The following KAT7 variants were observed in gnomAD, a reference collection of about 807,000 sequenced individuals.
KAT7 encodes histone acetyltransferase KAT7.
In KAT7, 10 loss-of-function variants were observed where a neutral mutation model predicts 82.1. The ratio of observed to expected loss-of-function variants is 0.12; its 90% confidence interval spans 0.08 to 0.21. KAT7 has a LOEUF of 0.21. Among genes scored for constraint, KAT7 ranks in the 10% least tolerant of loss-of-function variants. The pLI, the probability that KAT7 is intolerant of heterozygous loss-of-function variation, is 1.00. For missense variants in KAT7, 378 were observed against 760.9 expected (o/e 0.50, Z 5.92); for synonymous variants, 250 against 262.5 (o/e 0.95, Z 0.46).
rs776024422 is a variant in KAT7, at chr17:49,820,747, CTTTTTT to C, written c.1156-573_1156-568del. 8.3e-3 allele frequency among the ~76,000 whole-genome samples: 827 copies of C among 99,066 alleles called. 10 individuals carry two copies. The highest frequency in any genetic ancestry group is 0.031 in the African/African-American group (788 of 25,556). The allele number at this position is 99,066 out of a possible 152,430, so 65.0% of individuals were successfully genotyped here. The stretch of plus-strand genomic sequence containing the variant: ...CCTGCTGCTCAGCTAGGCTGCTTGC[CTTTTTT>C]TTTTTTTTTTTTTTTTCTTTTTTTG... On this transcript the variant is annotated intron_variant, in intron 9 of 14. Transcript: ENST00000259021.
chr17:49,819,702 C>T (rs931565217), intron 9 of KAT7, among the ~76,000 whole-genome samples: 6 of 152,214 alleles, frequency 3.9e-5, no homozygotes, highest in South Asian at 2.1e-4. Flanking sequence ...TTCTTATTCC[C>T]GTTGCTTCAG....
chr17:49,808,334 G>C (rs1259536362), intron 5 of KAT7, among the ~76,000 whole-genome samples: 1 of 151,634 alleles, frequency 6.6e-6, no homozygotes, highest in East Asian at 1.9e-4. Context: ...TGCCCAGGCT[G>C]GTCTTGAACT....
chr17:49,815,311 G>C (rs1003158604), intron 7 of KAT7: 1 of 152,478 alleles, frequency 6.6e-6, no homozygotes, highest in Non-Finnish European at 1.5e-5. Flanking sequence ...AGCTGCCCCT[G>C]CCCCTCCCTT....
rs999446560 is a variant in KAT7 at position 49,801,743 on chromosome 17, G to A, written c.580+3185G>A. On this transcript the variant is annotated intron_variant, in intron 4 of 14. Coordinates refer to ENST00000259021, the MANE Select transcript of KAT7 (RefSeq NM_007067.5). ...GGGCTCAAGTGACCCTCCCACCTCA[G>A]CCTCCCAAAGTGTTGGGATTACAGG... Among the ~76,000 whole-genome samples the A allele has an allele frequency of 3.3e-5, 5 of 152,160 alleles. No homozygotes were observed. In the East Asian group the frequency reaches 9.6e-4, roughly 29 times the overall value.
intron 4 of KAT7, among the ~76,000 whole-genome samples, chr17:49,799,495 T>C (rs1233333337): frequency 2.0e-5 from 3 of 152,026 alleles, no homozygotes; most frequent in African/African-American, 7.2e-5. Context: ...ATTCTCCTGC[T>C]TCAACCTCCT....
intron 3 of KAT7, among the ~76,000 whole-genome samples, chr17:49,797,658 AAC>A (rs1445868682): frequency 6.6e-6 from 1 of 152,200 alleles, no homozygotes. Flanking sequence ...AGTATTTGAA[AAC>A]ACAATGATTT....
intron 9 of KAT7, among the ~76,000 whole-genome samples, chr17:49,818,681 A>G (rs1468022079): frequency 6.6e-6 from 1 of 151,246 alleles, no homozygotes; most frequent in Non-Finnish European, 1.5e-5. Context: ...GCCATGGAGC[A>G]AGGGTGCGGA....
Position 49,825,888 on chromosome 17 carries a change from C to T in KAT7, c.1481-112C>T, listed in dbSNP as rs1598091827. 4.6e-6 allele frequency: 5 copies of T among 1,075,866 alleles called. No individual in the cohort carries two copies. The East Asian group carries it at 9.7e-5, about 21-fold the overall frequency. The allele number at this position is 1,075,866 out of a possible 1,614,324, so 66.6% of individuals were successfully genotyped here. On this transcript the variant is annotated intron_variant, in intron 12 of 14. Transcript: ENST00000259021. ...CAGTATTCCATTGAATGACTAAATC[C>T]TAATGGAGTGGACTGTGCTTCTTAA...
chr17:49,791,906 A>G lies in KAT7; in HGVS notation c.36A>G (p.Ser12=), dbSNP rs770252380. Reference sequence around the variant, plus strand: ...TACAGAGGAATGCAGGCAGTAGTTCAGATGGAACCGAAGATTCCGATTTTT... The same window carrying G: ...TACAGAGGAATGCAGGCAGTAGTTCGGATGGAACCGAAGATTCCGATTTTT... ...PRRKRNAGSS[S]DGTEDSDFST... The change falls in exon 2 of 15, where the codon TCA becomes TCG. Residue 12 remains serine (S), a synonymous_variant. Coordinates refer to ENST00000259021, the MANE Select transcript of KAT7 (RefSeq NM_007067.5). 3 of 1,614,086 alleles carry G rather than the reference A, an allele frequency of 1.9e-6. No individual in the cohort carries two copies. Among genetic ancestry groups the G allele is most frequent in the East Asian group, 4.5e-5 (2 of 44,904 alleles).
intron 6 of KAT7, among the ~76,000 whole-genome samples, chr17:49,810,796 G>A (rs1236078510): frequency 2.0e-5 from 3 of 152,108 alleles, no homozygotes; most frequent in Non-Finnish European, 2.9e-5. Flanking sequence ...AGTAAAGGTG[G>A]TGGGTGATGA....
At chr17:49,802,717 C>CTTGCAGTA (rs1447281044) in intron 4 of KAT7, among the ~76,000 whole-genome samples, 1 of 151,560 alleles carries the variant, frequency 6.6e-6, no homozygotes, top group Non-Finnish European at 1.5e-5. Flanking sequence ...AAAAGCAAGT[C>CTTGCAGTA]TTGCAGTATT....
At chr17:49,804,837 A>C (rs918188241) in intron 4 of KAT7, among the ~76,000 whole-genome samples, 1 of 152,204 alleles carries the variant, frequency 6.6e-6, no homozygotes, top group Non-Finnish European at 1.5e-5. Context: ...CCCTCCAAAA[A>C]ATAAGTATTT....
In KAT7 at chr17:49,832,566, C is replaced by G. The variant is rs1360515943; in HGVS notation, c.*5064C>G. 6.6e-6 allele frequency: 1 copy of G among 152,084 alleles called. No homozygotes were observed. The highest frequency in any genetic ancestry group is 2.4e-5 in the African/African-American group (1 of 41,390). The allele number at this position is 152,084 out of a possible 1,614,324, so 9.4% of individuals were successfully genotyped here. A position where few individuals can be genotyped will look rare whatever the true frequency, so the allele number is the denominator to read the frequency against. On this transcript the variant is annotated 3_prime_UTR_variant, in exon 15 of 15. Transcript: ENST00000259021. ...ATTCTTGGACATGGAGTTAAGAAAC[C>G]CTGGTTTGAGAAAAAGCCCCAGTGA...
rs368823245 is a variant in KAT7 at position 49,826,165 on chromosome 17, G to C, written c.1627+19G>C. On this transcript the variant is annotated intron_variant, in intron 13 of 14. Coordinates refer to ENST00000259021, the MANE Select transcript of KAT7 (RefSeq NM_007067.5). ...ATCAAAGGTTGGTTTTTGACTCCTTGGAATGGTTGATTGTTACCCAAGAAG... is the reference window on the plus strand; with the variant it reads ...ATCAAAGGTTGGTTTTTGACTCCTTCGAATGGTTGATTGTTACCCAAGAAG... 1.1e-5 allele frequency: 18 copies of C among 1,610,124 alleles called. No individual in the cohort carries two copies. Among genetic ancestry groups the C allele is most frequent in the Non-Finnish European group, 1.4e-5 (17 of 1,176,810 alleles).
chr17:49,807,623 A>G (rs1049351928), intron 5 of KAT7, among the ~76,000 whole-genome samples: 2 of 152,194 alleles, frequency 1.3e-5, no homozygotes, highest in African/African-American at 4.8e-5. Flanking sequence ...TGAAAACTGA[A>G]GACTTGTTAA....
In KAT7 at chr17:49,834,171, A is replaced by C. The variant is rs1162123076; in HGVS notation, c.*6669A>C. The C allele has an allele frequency of 6.6e-6, 1 of 152,252 alleles. No individual in the cohort carries two copies. Among genetic ancestry groups the C allele is most frequent in the Non-Finnish European group, 1.5e-5 (1 of 68,062 alleles). The allele number at this position is 152,252 out of a possible 1,614,324, so 9.4% of individuals were successfully genotyped here. ...TTATTGATTGATCGATTTATGAGACAGGGTCTCCTTCTGTCACCCAGGCTG... is the reference window on the plus strand; with the variant it reads ...TTATTGATTGATCGATTTATGAGACCGGGTCTCCTTCTGTCACCCAGGCTG... On this transcript the variant is annotated 3_prime_UTR_variant, in exon 15 of 15. Transcript: ENST00000259021.
intron 4 of KAT7, among the ~76,000 whole-genome samples, chr17:49,799,415 CTA>C (rs1433259112): frequency 2.0e-5 from 3 of 152,194 alleles, no homozygotes; most frequent in African/African-American, 7.2e-5. Context: ...GAGTCTTGCT[CTA>C]TTGCCCAGGC....
intron 2 of KAT7, among the ~76,000 whole-genome samples, chr17:49,796,070 G>T (rs112766620): frequency 0.024 from 3,586 of 151,474 alleles, 137 homozygotes; most frequent in African/African-American, 0.081. Flanking sequence ...CATTTCCTTT[G>T]TCCTCAGGTT....
chr17:49,813,656 G>C (rs1440063584), intron 7 of KAT7, among the ~76,000 whole-genome samples: 1 of 152,154 alleles, frequency 6.6e-6, no homozygotes, highest in Non-Finnish European at 1.5e-5. Flanking sequence ...TTCTGAAATA[G>C]TAGTGTTAAC....
Sources: gnomAD v4.1 joint callset for allele counts (sites outside exome capture counted in the v4.1 genomes callset) on GRCh38, gnomAD v4.1.1 for gene constraint, MANE v1.5 for transcripts, NCBI Gene and HGNC (gene_info 2026-07-23, HGNC 2026-07-21) for gene names.